The following CLK4 variants were observed in gnomAD, a reference collection of about 807,000 sequenced individuals.
The protein encoded by CLK4 is CDC like kinase 4.
CLK4 carries 37 observed loss-of-function variants against 64.4 expected under a neutral mutation model. The ratio of observed to expected loss-of-function variants is 0.57; its 90% confidence interval spans 0.44 to 0.76. The LOEUF is 0.76. Among genes scored for constraint, CLK4 ranks in the 30% least tolerant of loss-of-function variants. CLK4 has a pLI of 0.00. For missense variants in CLK4, 457 were observed against 605.1 expected, an observed-to-expected ratio of 0.76 and a Z score of 2.57; for synonymous variants, 175 against 191.6, an observed-to-expected ratio of 0.91 and a Z score of 0.72.
intron 2 of CLK4, chr5:178,620,090 G>C (rs1764688883): frequency 3.2e-6 from 1 of 309,366 alleles, no homozygotes; most frequent in Non-Finnish European, 6.7e-6. Flanking sequence ...TACCCAATAG[G>C]GCTAGCATCA....
At chr5:178,608,859 T>C (rs1339228247) in intron 9 of CLK4, among the ~76,000 whole-genome samples, 1 of 152,256 alleles carries the variant, frequency 6.6e-6, no homozygotes, top group Non-Finnish European at 1.5e-5. Flanking sequence ...TACAGGTTTA[T>C]AATTATCCTC....
chr5:178,616,118 T>A (rs1407517916), intron 5 of CLK4, among the ~76,000 whole-genome samples: 2 of 152,078 alleles, frequency 1.3e-5, no homozygotes, highest in Non-Finnish European at 2.9e-5. Flanking sequence ...TGAGACGGAT[T>A]TTCACTCGTT....
intron 1 of CLK4, among the ~76,000 whole-genome samples, chr5:178,625,746 A>C (rs1273334125): frequency 1.3e-5 from 2 of 152,262 alleles, no homozygotes; most frequent in African/African-American, 4.8e-5. Flanking sequence ...TAAAATAAGA[A>C]CGAGCTCCGT....
At chr5:178,603,781 T>G in intron 12 of CLK4, 24 bp from the exon 13 acceptor site, 1 of 1,577,724 alleles carries the variant, frequency 6.3e-7, no homozygotes, top group Admixed American at 2.0e-5. Context: ...GTTTTTGTTT[T>G]AAAAAAAATT....
intron 5 of CLK4, 141 bp from the exon 6 acceptor site, chr5:178,613,984 T>C: frequency 3.4e-6 from 2 of 591,632 alleles, no homozygotes; most frequent in Non-Finnish European, 5.9e-6. Flanking sequence ...GCAGATTCCA[T>C]ATAACATCTT....
chr5:178,612,570 A>T (rs767939283), intron 8 of CLK4, 25 bp from the exon 9 acceptor site: 3 of 1,609,036 alleles, frequency 1.9e-6, no homozygotes, highest in Non-Finnish European at 2.6e-6. Flanking sequence ...TTGAGTAAAC[A>T]TGAAACTCAA....
At position 178,623,283 on chromosome 5, in the gene CLK4, G is replaced by A; in HGVS notation, c.134C>T (p.Pro45Leu). The change falls in exon 2 of 13, where the codon CCA becomes CTA. Residue 45 changes from proline to leucine, a missense_variant. Pro to Leu is a moderately conservative substitution (Grantham distance 98, BLOSUM62 -3). Transcript: ENST00000316308. ...SSTQENRHCK[P>L]HHQFKESDCH... The stretch of plus-strand genomic sequence containing the variant: ...ATCAGATTCTTTAAACTGGTGATGT[G>A]GTTTACAATGCCTGTTCTCTTGTGT... 1 of 1,613,690 alleles carries A rather than the reference G, an allele frequency of 6.2e-7. No individual in the cohort carries two copies. The highest frequency in any genetic ancestry group is 8.5e-7 in the Non-Finnish European group (1 of 1,179,784).
chr5:178,608,498 C>A, intron 9 of CLK4, 40 bp from the exon 10 acceptor site: 1 of 1,489,092 alleles, frequency 6.7e-7, no homozygotes, highest in Non-Finnish European at 9.3e-7. Flanking sequence ...TATGCAAAAA[C>A]TTTTAATTGA....
At chr5:178,606,703 C>CTA (rs1764471586) in intron 10 of CLK4, among the ~76,000 whole-genome samples, 1 of 152,184 alleles carries the variant, frequency 6.6e-6, no homozygotes, top group Non-Finnish European at 1.5e-5. Context: ...TGGCTCACAC[C>CTA]TGTAATCCCA....
intron 11 of CLK4, chr5:178,605,017 C>T (rs556322092): frequency 1.7e-4 from 29 of 174,728 alleles, no homozygotes; most frequent in Admixed American, 5.0e-4. Context: ...GTAATCCCAG[C>T]GACTCAGGGG....
chr5:178,603,799 G>T, intron 12 of CLK4, 42 bp from the exon 13 acceptor site: 1 of 1,583,924 alleles, frequency 6.3e-7, no homozygotes, highest in Non-Finnish European at 8.5e-7. Flanking sequence ...ATTATTAATA[G>T]TGCAAACACG....
At chr5:178,604,692 C>G (rs1764440976) in intron 11 of CLK4, 1 of 152,190 alleles carries the variant, frequency 6.6e-6, no homozygotes, top group African/African-American at 2.4e-5. Context: ...GAATCTAATG[C>G]CACTGCTGAT....
At chr5:178,615,092 T>C (rs972799937) in intron 5 of CLK4, among the ~76,000 whole-genome samples, 1 of 152,194 alleles carries the variant, frequency 6.6e-6, no homozygotes, top group Non-Finnish European at 1.5e-5. Flanking sequence ...GGCTCACACC[T>C]GTAATCCCAG....
At chr5:178,610,889 T>C (rs914084524) in intron 9 of CLK4, among the ~76,000 whole-genome samples, 6 of 152,026 alleles carry the variant, frequency 3.9e-5, no homozygotes, top group African/African-American at 9.7e-5. Flanking sequence ...CTGGCTAACA[T>C]GGTGAAACCC....
intron 5 of CLK4, among the ~76,000 whole-genome samples, chr5:178,616,492 C>T (rs1416177913): frequency 2.0e-5 from 3 of 152,158 alleles, no homozygotes; most frequent in Non-Finnish European, 2.9e-5. Context: ...ACGTGGCTAC[C>T]ATTTAAAATA....
chr5:178,605,206 G>T, intron 11 of CLK4, 97 bp downstream of exon 11: 3 of 561,424 alleles, frequency 5.3e-6, no homozygotes, highest in South Asian at 3.9e-5. Flanking sequence ...AAAATCTATA[G>T]TCCTTGGAAT....
intron 10 of CLK4, among the ~76,000 whole-genome samples, chr5:178,607,507 CTTT>C (rs70997615): frequency 6.4e-5 from 5 of 78,060 alleles, no homozygotes; most frequent in East Asian, 4.2e-4. Flanking sequence ...TACACTTTGT[CTTT>C]TTTTTTTTTT....
chr5:178,621,576 A>G (rs1317117189), intron 2 of CLK4, among the ~76,000 whole-genome samples: 2 of 152,234 alleles, frequency 1.3e-5, no homozygotes, highest in African/African-American at 4.8e-5. Flanking sequence ...CAATAAATAT[A>G]TGACAGCGGA....
intron 1 of CLK4, among the ~76,000 whole-genome samples, 159 bp downstream of exon 1, chr5:178,626,787 T>A (rs967035052): frequency 6.6e-6 from 1 of 152,202 alleles, no homozygotes; most frequent in African/African-American, 2.4e-5. Context: ...CGAGCAACTT[T>A]CGGTGCTGCC....
Sources: allele counts gnomAD v4.1 joint callset (sites outside exome capture counted in the v4.1 genomes callset), GRCh38; gene constraint gnomAD v4.1.1; transcripts MANE v1.5; gene names NCBI Gene and HGNC (gene_info 2026-07-23, HGNC 2026-07-21).